ESF1: variants seen among roughly 807,000 people sequenced by gnomAD.
ESF1 encodes ESF1 homolog.
ESF1 carries 58 observed loss-of-function variants against 92.0 expected under a neutral mutation model. That is an observed-to-expected ratio of 0.63 (90% CI 0.51 to 0.78). The LOEUF is 0.78. Among genes scored for constraint, ESF1 ranks in the 30% least tolerant of loss-of-function variants. ESF1 has a pLI of 0.00. For synonymous variants in ESF1, 321 were observed against 313.7 expected (o/e 1.02, Z -0.24); for missense variants, 922 against 989.1 (o/e 0.93, Z 0.91).
intron 11 of ESF1, among the ~76,000 whole-genome samples, chr20:13,725,232 C>T (rs1442810651): frequency 6.6e-6 from 1 of 152,124 alleles, no homozygotes; most frequent in African/African-American, 2.4e-5. Context: ...CAGGTAAATC[C>T]CTCATCCTTC....
At chr20:13,780,278 T>C (rs1466077776) in intron 2 of ESF1, among the ~76,000 whole-genome samples, 2 of 152,196 alleles carry the variant, frequency 1.3e-5, no homozygotes, top group Non-Finnish European at 2.9e-5. Context: ...AGAAAAGATA[T>C]GTAAAAAAGT....
chr20:13,750,260 T>A (rs1978569168), intron 9 of ESF1, among the ~76,000 whole-genome samples: 1 of 152,156 alleles, frequency 6.6e-6, no homozygotes, highest in Non-Finnish European at 1.5e-5. Context: ...ATCCCAGCAC[T>A]CTGGAAGGCC....
chr20:13,782,391 T>C, intron 2 of ESF1, 113 bp downstream of exon 2: 2 of 870,136 alleles, frequency 2.3e-6, no homozygotes, highest in Non-Finnish European at 3.3e-6. Context: ...AGATAAGCAT[T>C]TGACCATTCC....
intron 11 of ESF1, among the ~76,000 whole-genome samples, chr20:13,724,514 G>A (rs1346646099): frequency 2.0e-5 from 3 of 152,054 alleles, no homozygotes; most frequent in Non-Finnish European, 4.4e-5. Flanking sequence ...TGGATCATGA[G>A]TACAAAATGT....
intron 8 of ESF1, among the ~76,000 whole-genome samples, chr20:13,762,469 T>A (rs1202107513): frequency 6.6e-6 from 1 of 152,208 alleles, no homozygotes; most frequent in Non-Finnish European, 1.5e-5. Context: ...TCCTTCCAGG[T>A]TGAAATTTTA....
At chr20:13,763,993 T>C (rs1302030757) in intron 8 of ESF1, among the ~76,000 whole-genome samples, 3 of 152,158 alleles carry the variant, frequency 2.0e-5, no homozygotes, top group Non-Finnish European at 4.4e-5. Context: ...GAAACAATGA[T>C]AGGCCAATCA....
At chr20:13,748,461 TATATACAC>T (rs1250051381) in intron 9 of ESF1, among the ~76,000 whole-genome samples, 7,204 of 39,604 alleles carry the variant, frequency 0.18, 217 homozygotes, top group Non-Finnish European at 0.22. Context: ...TATATATACA[TATATACAC>T]ATATATACAC....
chr20:13,724,993 C>T (rs1173364346), intron 11 of ESF1, among the ~76,000 whole-genome samples: 1 of 152,164 alleles, frequency 6.6e-6, no homozygotes, highest in Admixed American at 6.5e-5. Context: ...GGTTTTGTAT[C>T]TGGCCTGGCC....
chr20:13,731,642 C>A (rs764816416), intron 10 of ESF1, among the ~76,000 whole-genome samples: 1 of 152,088 alleles, frequency 6.6e-6, no homozygotes, highest in Non-Finnish European at 1.5e-5. Context: ...GCTCTTACCC[C>A]ACGTGGTGTT....
At chr20:13,721,192 T>C (rs1243582012) in intron 11 of ESF1, among the ~76,000 whole-genome samples, 4 of 152,228 alleles carry the variant, frequency 2.6e-5, no homozygotes, top group South Asian at 4.1e-4. Context: ...AAAGATTTCA[T>C]GTAAATGAAA....
chr20:13,784,284 A>AAC (rs1555828480), intron 1 of ESF1, among the ~76,000 whole-genome samples: 1 of 144,028 alleles, frequency 6.9e-6, no homozygotes, highest in South Asian at 2.3e-4. Context: ...TTATTAAGCA[A>AAC]CCCCCCCCCA....
At position 13,716,804 on chromosome 20, in the gene ESF1, A is replaced by ATTTTTTTTTTTTTTTTTTT. The variant is rs71188180; in HGVS notation, c.2262+545_2262+563dup. On this transcript the variant is annotated intron_variant, in intron 13 of 13. Coordinates refer to ENST00000617257, the MANE Select transcript of ESF1 (RefSeq NM_001276380.2). ...TACAGGTGTGCGCCACTATACCTGG[A>ATTTTTTTTTTTTTTTTTTT]TTTTTTTTTTTTTTTTTTTTTTTTT... Among the ~76,000 whole-genome samples the ATTTTTTTTTTTTTTTTTTT allele has an allele frequency of 2.6e-4, 12 of 45,916 alleles. 1 individual carries two copies. The highest frequency in any genetic ancestry group is 1.3e-3 in the South Asian group (1 of 766). The allele number at this position is 45,916 out of a possible 152,430, so 30.1% of individuals were successfully genotyped here.
Position 13,717,650 on chromosome 20 carries a change from T to C in ESF1, c.2116-136A>G, listed in dbSNP as rs1600262280. ...GAACTCTGGGGTACCACCTGTTGTC[T>C]GTAAACTGACTGTGGATTACCAAAA... On this transcript the variant is annotated intron_variant, in intron 12 of 13. Coordinates refer to ENST00000617257, the MANE Select transcript of ESF1 (RefSeq NM_001276380.2). 4.6e-6 allele frequency: 4 copies of C among 877,882 alleles called. No homozygotes were observed. In the South Asian group the frequency reaches 7.1e-5, roughly 16 times the overall value. 54.4% of individuals were successfully genotyped at this position (877,882 alleles called of 1,614,324 possible). A position where few individuals can be genotyped will look rare whatever the true frequency, so the allele number is the denominator to read the frequency against.
chr20:13,761,054 T>G (rs1042880578), intron 8 of ESF1, among the ~76,000 whole-genome samples: 1 of 152,076 alleles, frequency 6.6e-6, no homozygotes, highest in Non-Finnish European at 1.5e-5. Flanking sequence ...TCTTCTGCCT[T>G]GGGATCCTGT....
intron 11 of ESF1, among the ~76,000 whole-genome samples, chr20:13,722,700 A>T (rs1005903247): frequency 4.9e-5 from 7 of 142,276 alleles, no homozygotes; most frequent in South Asian, 2.2e-4. Context: ...TTTTTTTTTT[A>T]AATTAGCCAG....
At chr20:13,758,889 A>G (rs1429885262) in intron 9 of ESF1, among the ~76,000 whole-genome samples, 1 of 152,206 alleles carries the variant, frequency 6.6e-6, no homozygotes, top group East Asian at 1.9e-4. Flanking sequence ...ACCCACAGTG[A>G]ATGTCTGAAA....
chr20:13,748,083 T>C (rs1313732152), intron 9 of ESF1, among the ~76,000 whole-genome samples: 4 of 152,180 alleles, frequency 2.6e-5, no homozygotes, highest in African/African-American at 4.8e-5. Context: ...GGGACCACTG[T>C]TGTGTATGCA....
intron 10 of ESF1, among the ~76,000 whole-genome samples, chr20:13,728,866 CAA>C (rs34325780): frequency 7.2e-6 from 1 of 138,146 alleles, no homozygotes. Context: ...GACTCCATCT[CAA>C]AAAAAAAAAT....
chr20:13,775,966 T>C lies in ESF1; in HGVS notation c.942A>G (p.Glu314=). 6.2e-7 allele frequency: 1 copy of C among 1,613,912 alleles called. No individual in the cohort carries two copies. Among genetic ancestry groups the C allele is most frequent in the South Asian group, 1.1e-5 (1 of 91,074 alleles). Residue 314 remains glutamate, a synonymous_variant, in exon 3 of 14, where the codon GAA becomes GAG. Transcript: ENST00000617257. The part of the protein sequence containing the change: ...RGKGNIETSS[E]DEDDTADLFP... ...ACAAATCTGCCGTATCATCTTCATC[T>C]TCAGAACTAGTTTCTATATTTCCTT...
Sources: gnomAD v4.1 joint callset for allele counts (sites outside exome capture counted in the v4.1 genomes callset) on GRCh38, gnomAD v4.1.1 for gene constraint, MANE v1.5 for transcripts, NCBI Gene and HGNC (gene_info 2026-07-23, HGNC 2026-07-21) for gene names.